Variants in COX7B2 observed in about 807,000 individuals in gnomAD.
COX7B2 encodes the protein cytochrome c oxidase subunit 7B2, also known as cytochrome c oxidase subunit 7B2, mitochondrial.
For synonymous variants in COX7B2, 37 were observed against 32.1 expected, an observed-to-expected ratio of 1.15 and a Z score of -0.51; for missense variants, 109 against 95.9, an observed-to-expected ratio of 1.14 and a Z score of -0.57.
intron 2 of COX7B2, among the ~76,000 whole-genome samples, chr4:46,816,043 C>T (rs1719534396): frequency 1.3e-5 from 2 of 152,270 alleles, no homozygotes; most frequent in African/African-American, 4.8e-5. Flanking sequence ...TATATCCTCA[C>T]CAATGGTGGC....
chr4:46,825,792 T>A (rs2109709214), intron 2 of COX7B2, among the ~76,000 whole-genome samples: 1 of 152,280 alleles, frequency 6.6e-6, no homozygotes, highest in African/African-American at 2.4e-5. Flanking sequence ...AGACTCCCTA[T>A]TCAATAAATG....
intron 2 of COX7B2, among the ~76,000 whole-genome samples, chr4:46,806,459 TA>T (rs1718999954): frequency 1.3e-5 from 2 of 152,204 alleles, no homozygotes; most frequent in East Asian, 3.9e-4. Flanking sequence ...TATAATATGA[TA>T]TTATGAGGCT....
chr4:46,816,678 C>T (rs933718739), intron 2 of COX7B2, among the ~76,000 whole-genome samples: 2 of 152,056 alleles, frequency 1.3e-5, no homozygotes, highest in African/African-American at 4.8e-5. Flanking sequence ...TTTCCACAGG[C>T]AGAAAAACAA....
chr4:46,861,873 A>G (rs1168452582), intron 1 of COX7B2, among the ~76,000 whole-genome samples: 1 of 152,082 alleles, frequency 6.6e-6, no homozygotes, highest in African/African-American at 2.4e-5. Context: ...TTCTGAAGAG[A>G]GATCCTGCCA....
intron 2 of COX7B2, among the ~76,000 whole-genome samples, chr4:46,805,252 G>A (rs1171014877): frequency 2.0e-5 from 3 of 152,256 alleles, no homozygotes; most frequent in African/African-American, 7.2e-5. Context: ...TGCAGCTGCA[G>A]GCTGAAGGAC....
At chr4:46,909,044 CAA>C (rs559560185) in intron 1 of COX7B2, 114 bp downstream of exon 1, 5 of 122,768 alleles carry the variant, frequency 4.1e-5, no homozygotes, top group Admixed American at 8.5e-5. Flanking sequence ...GACTCCGTCT[CAA>C]AAAAAAAAAA....
intron 1 of COX7B2, among the ~76,000 whole-genome samples, chr4:46,883,515 C>T (rs1224824945): frequency 6.6e-6 from 1 of 151,996 alleles, no homozygotes; most frequent in African/African-American, 2.4e-5. Context: ...GCGAGTGGAT[C>T]GCCCAAGCTC....
intron 2 of COX7B2, among the ~76,000 whole-genome samples, chr4:46,791,759 T>G (rs530762326): frequency 6.6e-6 from 1 of 152,270 alleles, no homozygotes; most frequent in South Asian, 2.1e-4. Flanking sequence ...ATGCAGCATA[T>G]AGCAGCACTC....
At chr4:46,822,333 G>A (rs1006914205) in intron 2 of COX7B2, among the ~76,000 whole-genome samples, 3 of 151,980 alleles carry the variant, frequency 2.0e-5, no homozygotes, top group East Asian at 1.9e-4. Context: ...GATTATAGCC[G>A]TAAGACTCCA....
Position 46,774,221 on chromosome 4 carries a change from C to T in COX7B2, c.-49-38980G>A, listed in dbSNP as rs73813553. On this transcript the variant is annotated intron_variant, in intron 2 of 2. Transcript: ENST00000355591. The stretch of plus-strand genomic sequence containing the variant: ...GTTTATCTTAAAACAAACAAACAAA[C>T]AAACAAAAAACTAAATTCCCTTCTT... 8.0e-3 allele frequency among the ~76,000 whole-genome samples: 1,220 copies of T among 152,144 alleles called. 21 individuals carry two copies. The highest frequency in any genetic ancestry group is 0.027 in the African/African-American group (1,139 of 41,524).
intron 2 of COX7B2, among the ~76,000 whole-genome samples, chr4:46,774,295 G>A (rs376771552): frequency 4.1e-4 from 62 of 152,142 alleles, no homozygotes; most frequent in South Asian, 2.7e-3. Flanking sequence ...GGTCTGGTTC[G>A]TCTATCAACG....
At chr4:46,753,583 A>C (rs1162717894) in intron 2 of COX7B2, among the ~76,000 whole-genome samples, 2 of 151,874 alleles carry the variant, frequency 1.3e-5, no homozygotes, top group Non-Finnish European at 2.9e-5. Context: ...TAAAGACTTA[A>C]ATGTTAGACC....
intron 1 of COX7B2, among the ~76,000 whole-genome samples, chr4:46,907,482 T>C (rs1057512639): frequency 6.6e-6 from 1 of 152,162 alleles, no homozygotes; most frequent in African/African-American, 2.4e-5. Flanking sequence ...GCTTTCTCAG[T>C]CACTGTTTTT....
At chr4:46,887,829 C>T (rs1439292187) in intron 1 of COX7B2, among the ~76,000 whole-genome samples, 1 of 152,044 alleles carries the variant, frequency 6.6e-6, no homozygotes, top group Admixed American at 6.6e-5. Flanking sequence ...CCCAAACTCC[C>T]TCATTCTGCT....
rs550265838 is a variant in COX7B2 at position 46,805,064 on chromosome 4, C to T, written c.-50+39896G>A. Among the ~76,000 whole-genome samples, 716 of 152,252 alleles carry T rather than the reference C, an allele frequency of 4.7e-3. 7 individuals carry two copies. Among genetic ancestry groups the T allele is most frequent in the African/African-American group, 0.016 (682 of 41,562 alleles). ...CTAACCTCTCACTGCCTGGGGCTGGCGGGGCTGGCCAGCCACTCCGAGTGC... is the reference window on the plus strand; with the variant it reads ...CTAACCTCTCACTGCCTGGGGCTGGTGGGGCTGGCCAGCCACTCCGAGTGC... On this transcript the variant is annotated intron_variant, in intron 2 of 2. Coordinates refer to ENST00000355591, the MANE Select transcript of COX7B2 (RefSeq NM_130902.3).
At chr4:46,816,607 T>C (rs146092990) in intron 2 of COX7B2, among the ~76,000 whole-genome samples, 26 of 152,328 alleles carry the variant, frequency 1.7e-4, no homozygotes, top group African/African-American at 5.1e-4. Flanking sequence ...TTGTACATCA[T>C]AGGACCTCAA....
intron 2 of COX7B2, among the ~76,000 whole-genome samples, chr4:46,830,151 C>G (rs1714969770): frequency 6.6e-6 from 1 of 151,718 alleles, no homozygotes; most frequent in African/African-American, 2.4e-5. Context: ...TGGTGAAACC[C>G]CGTCTGTACT....
chr4:46,823,004 G>A (rs1455880922), intron 2 of COX7B2, among the ~76,000 whole-genome samples: 1 of 152,118 alleles, frequency 6.6e-6, no homozygotes, highest in Non-Finnish European at 1.5e-5. Context: ...CCTGCATGGA[G>A]AAGCAGGACC....
intron 1 of COX7B2, among the ~76,000 whole-genome samples, chr4:46,875,048 G>A (rs1718238382): frequency 6.6e-6 from 1 of 152,196 alleles, no homozygotes; most frequent in African/African-American, 2.4e-5. Flanking sequence ...GGGTAATAAG[G>A]CTGCATAACT....
Sources: gnomAD v4.1 joint callset for allele counts (sites outside exome capture counted in the v4.1 genomes callset) on GRCh38, gnomAD v4.1.1 for gene constraint, MANE v1.5 for transcripts, NCBI Gene and HGNC (gene_info 2026-07-23, HGNC 2026-07-21) for gene names.